GABRG3: variants seen among roughly 807,000 people sequenced by gnomAD.
GABRG3 encodes gamma-aminobutyric acid type A receptor subunit gamma3, also known as gamma-aminobutyric acid receptor subunit gamma-3.
GABRG3 carries 25 observed loss-of-function variants against 48.8 expected under a neutral mutation model. The observed-to-expected ratio is 0.51, with a 90% CI of 0.37 to 0.72. The LOEUF is 0.72. Among genes scored for constraint, GABRG3 ranks in the 30% least tolerant of loss-of-function variants. GABRG3 has a pLI of 0.00. For missense variants in GABRG3, 394 were observed against 577.9 expected, an observed-to-expected ratio of 0.68 and a Z score of 3.26; for synonymous variants, 227 against 217.6, an observed-to-expected ratio of 1.04 and a Z score of -0.38.
intron 2 of GABRG3, among the ~76,000 whole-genome samples, chr15:27,004,921 A>C (rs1362527897): frequency 6.6e-6 from 1 of 152,210 alleles, no homozygotes; most frequent in Non-Finnish European, 1.5e-5. Context: ...ATATGTCTAC[A>C]GGCAGTTGGA....
chr15:27,308,935 CAT>C (rs572604164), intron 3 of GABRG3, among the ~76,000 whole-genome samples: 31 of 145,752 alleles, frequency 2.1e-4, no homozygotes, highest in South Asian at 8.6e-4. Context: ...TATGAAAACA[CAT>C]ATAATGTAAA....
chr15:27,011,478 C>G (rs1331673003), intron 2 of GABRG3, among the ~76,000 whole-genome samples: 2 of 152,128 alleles, frequency 1.3e-5, no homozygotes, highest in African/African-American at 4.8e-5. Flanking sequence ...GCCTTTGTGG[C>G]TTCAACCCCC....
chr15:27,487,286 C>A (rs1314844528), intron 6 of GABRG3, among the ~76,000 whole-genome samples: 3 of 152,206 alleles, frequency 2.0e-5, no homozygotes, highest in Non-Finnish European at 4.4e-5. Flanking sequence ...TAATTAATTA[C>A]TCCTTCCATG....
At chr15:27,415,229 G>GT (rs932252367) in intron 5 of GABRG3, among the ~76,000 whole-genome samples, 36 of 151,008 alleles carry the variant, frequency 2.4e-4, no homozygotes, top group Non-Finnish European at 4.7e-4. Context: ...CATTATTTCT[G>GT]TTTTTTTCTC....
At chr15:27,201,203 C>T (rs1298096628) in intron 3 of GABRG3, among the ~76,000 whole-genome samples, 2 of 151,882 alleles carry the variant, frequency 1.3e-5, no homozygotes, top group Non-Finnish European at 2.9e-5. Context: ...CCTCAGAATA[C>T]ACAGCTGCAG....
chr15:27,235,380 G>A (rs1236554571), intron 3 of GABRG3, among the ~76,000 whole-genome samples: 1 of 152,124 alleles, frequency 6.6e-6, no homozygotes, highest in Non-Finnish European at 1.5e-5. Flanking sequence ...AGATGGTCAG[G>A]GGAGATTGCC....
intron 5 of GABRG3, among the ~76,000 whole-genome samples, chr15:27,355,402 G>T (rs770873631): frequency 2.6e-5 from 4 of 152,176 alleles, no homozygotes; most frequent in Non-Finnish European, 5.9e-5. Flanking sequence ...GGTCATGAGG[G>T]AAATGTAAAA....
intron 3 of GABRG3, among the ~76,000 whole-genome samples, chr15:27,054,171 G>A (rs1276336045): frequency 1.3e-5 from 2 of 151,906 alleles, no homozygotes; most frequent in African/African-American, 2.4e-5. Flanking sequence ...CCCGGGAGGC[G>A]GAGGTTGCAG....
chr15:27,263,118 C>T (rs1193309780), intron 3 of GABRG3, among the ~76,000 whole-genome samples: 6 of 152,152 alleles, frequency 3.9e-5, no homozygotes, highest in Non-Finnish European at 7.3e-5. Flanking sequence ...ACGCTAGTGC[C>T]GCATCAGCAG....
In GABRG3 at chr15:27,522,520, A is replaced by G. The variant is rs183148385; in HGVS notation, c.865+2396A>G. Among the ~76,000 whole-genome samples the G allele has an allele frequency of 2.8e-3, 429 of 152,004 alleles. 3 individuals carry two copies. Among genetic ancestry groups the G allele is most frequent in the African/African-American group, 9.9e-3 (413 of 41,566 alleles). ...CAAGATGGGACTTATGACATCAGAA[A>G]AAATAAAATGTAAGCCATAAATAGC... On this transcript the variant is annotated intron_variant, in intron 7 of 9. Transcript: ENST00000615808.
At chr15:27,095,471 A>G (rs764216933) in intron 3 of GABRG3, among the ~76,000 whole-genome samples, 4 of 138,980 alleles carry the variant, frequency 2.9e-5, no homozygotes, top group Non-Finnish European at 6.5e-5. Flanking sequence ...CTCGGTCTCC[A>G]CATAGATGCT....
At chr15:27,384,276 C>G in intron 5 of GABRG3, among the ~76,000 whole-genome samples, 1 of 152,066 alleles carries the variant, frequency 6.6e-6, no homozygotes, top group Admixed American at 6.6e-5. Context: ...CTGGAGCTTT[C>G]CTTGATTAAA....
At chr15:27,271,993 G>A (rs1363335934) in intron 3 of GABRG3, among the ~76,000 whole-genome samples, 1 of 152,156 alleles carries the variant, frequency 6.6e-6, no homozygotes, top group Non-Finnish European at 1.5e-5. Flanking sequence ...TCTCCTTGAG[G>A]GGAGTCTCAG....
intron 3 of GABRG3, among the ~76,000 whole-genome samples, chr15:27,035,949 T>G (rs889298896): frequency 6.6e-6 from 1 of 152,182 alleles, no homozygotes; most frequent in Admixed American, 6.5e-5. Flanking sequence ...TTGAGAAATA[T>G]AACCTCCAAG....
intron 3 of GABRG3, among the ~76,000 whole-genome samples, chr15:27,137,122 C>A (rs968470376): frequency 2.1e-4 from 32 of 152,242 alleles, no homozygotes; most frequent in African/African-American, 6.3e-4. Context: ...CCTGGGCAGC[C>A]ACCCTGCTTG....
At chr15:27,188,911 G>A (rs1278210106) in intron 3 of GABRG3, among the ~76,000 whole-genome samples, 3 of 150,350 alleles carry the variant, frequency 2.0e-5, no homozygotes, top group Non-Finnish European at 4.5e-5. Flanking sequence ...TGTATAAGGT[G>A]TAAGGAAGGG....
At chr15:26,995,491 T>TTTCTCTATGTGTCTCAAATCTTTTTG (rs1348709859) in intron 2 of GABRG3, among the ~76,000 whole-genome samples, 9 of 152,014 alleles carry the variant, frequency 5.9e-5, no homozygotes, top group Non-Finnish European at 8.8e-5. Flanking sequence ...TTTGCTTTTT[T>TTTCTCTATGTGTCTCAAATCTTTTTG]TTCTCTATGT....
chr15:27,532,728 C>T lies in GABRG3; in HGVS notation c.1251C>T (p.Phe417=), dbSNP rs1431368338. ...ECLDGKDCQS[F]FCCYEECKSG... ...TGGATGGCAAAGACTGTCAGAGCTTCTTCTGCTGCTATGAAGAATGTAAAT... is the reference window on the plus strand; with the variant it reads ...TGGATGGCAAAGACTGTCAGAGCTTTTTCTGCTGCTATGAAGAATGTAAAT... Residue 417 remains phenylalanine (F), a synonymous_variant, in exon 10 of 10, where the codon TTC becomes TTT. Transcript: ENST00000615808. The T allele has an allele frequency of 6.2e-7, 1 of 1,614,004 alleles. No homozygotes were observed. Among genetic ancestry groups the T allele is most frequent in the Non-Finnish European group, 8.5e-7 (1 of 1,179,888 alleles).
chr15:27,315,620 A>G (rs1367040546), intron 3 of GABRG3, among the ~76,000 whole-genome samples: 1 of 152,228 alleles, frequency 6.6e-6, no homozygotes, highest in African/African-American at 2.4e-5. Context: ...CTTCAAAGGC[A>G]TTCTTCCTCT....
Sources: allele counts gnomAD v4.1 joint callset (sites outside exome capture counted in the v4.1 genomes callset), GRCh38; gene constraint gnomAD v4.1.1; transcripts MANE v1.5; gene names NCBI Gene and HGNC (gene_info 2026-07-23, HGNC 2026-07-21).